Variants in ZNF263 observed in about 807,000 individuals in gnomAD.
ZNF263 encodes zinc finger protein 263.
A neutral mutation model predicts 63.1 loss-of-function variants in ZNF263; 49 were observed. That is an observed-to-expected ratio of 0.78 (90% CI 0.62 to 0.99). ZNF263 has a LOEUF of 0.99. Among genes scored for constraint, ZNF263 ranks in the 50% least tolerant of loss-of-function variants. The pLI, the probability that ZNF263 is intolerant of heterozygous loss-of-function variation, is 0.00. For synonymous variants in ZNF263, 352 were observed against 324.2 expected (o/e 1.09, Z -0.92); for missense variants, 872 against 854.8 (o/e 1.02, Z -0.25).
At position 3,289,841 on chromosome 16, in the gene ZNF263, G is replaced by C; in HGVS notation, c.1335G>C (p.Gln445His). 6.2e-7 allele frequency: 1 copy of C among 1,614,226 alleles called. No individual in the cohort carries two copies. The highest frequency in any genetic ancestry group is 8.5e-7 in the Non-Finnish European group (1 of 1,180,048). Residue 445 changes from glutamine to histidine, a missense_variant, in exon 6 of 6, where the codon CAG becomes CAC. Gln to His is a conservative substitution (Grantham distance 24, BLOSUM62 0). Transcript: ENST00000219069. Reference sequence around the variant, plus strand: ...TTGAATGTGGGAAATGCTTCAGTCAGAACACCCATCTGACTCGCCACCAAC... The same window carrying C: ...TTGAATGTGGGAAATGCTTCAGTCACAACACCCATCTGACTCGCCACCAAC... ...KCLECGKCFS[Q>H]NTHLTRHQRT...
rs754120951 is a variant in ZNF263 at position 3,289,508 on chromosome 16, G to C, written c.1002G>C (p.Leu334=). 1 of 1,578,186 alleles carries C rather than the reference G, an allele frequency of 6.3e-7. No individual in the cohort carries two copies. The highest frequency in any genetic ancestry group is 8.6e-7 in the Non-Finnish European group (1 of 1,162,084). ...GGGAGGTGCCCTGGAGTCCTGAGCTGGGAAGACCTCATGACCGGTCGCAAG... is the reference window on the plus strand; with the variant it reads ...GGGAGGTGCCCTGGAGTCCTGAGCTCGGAAGACCTCATGACCGGTCGCAAG... ...ARGEVPWSPE[L]GRPHDRSQGD... is the part of the protein sequence containing the mutation. Residue 334 remains leucine, a synonymous_variant, in exon 6 of 6, where the codon CTG becomes CTC. Coordinates refer to ENST00000219069, the MANE Select transcript of ZNF263 (RefSeq NM_005741.5).
rs1959858011 is a variant in ZNF263 at position 3,299,217 on chromosome 16, T to A, written c.*46+61T>A. On this transcript the variant is annotated intron_variant, in intron 2 of 2. Transcript: ENST00000574674. Reference sequence around the variant, plus strand: ...ATTCAGCAGTCTGCTTCTCAGCTTCTCCTCCTTTTTGAACAACTTCCTTTG... The same window carrying A: ...ATTCAGCAGTCTGCTTCTCAGCTTCACCTCCTTTTTGAACAACTTCCTTTG... 2.5e-6 allele frequency: 4 copies of A among 1,606,138 alleles called. No individual in the cohort carries two copies. In the African/African-American group the frequency reaches 5.4e-5, roughly 22 times the overall value.
In ZNF263 at chr16:3,289,473, C is replaced by A; in HGVS notation, c.967C>A (p.Gln323Lys). ...CCACCCTCAGGTGCTGCTTCCTGAC[C>A]AGGCCCGAGGGGAGGTGCCCTGGAG... ...NIHPQVLLPD[Q>K]ARGEVPWSPE... The change falls in exon 6 of 6, where the codon CAG (glutamine) becomes AAG (lysine). Residue 323 changes from glutamine (Q) to lysine (K), a missense_variant. By Grantham distance (53) the Gln-to-Lys change is moderately conservative (BLOSUM62 1). Transcript: ENST00000219069. 1.9e-6 allele frequency: 3 copies of A among 1,539,378 alleles called. No homozygotes were observed. The highest frequency in any genetic ancestry group is 2.6e-6 in the Non-Finnish European group (3 of 1,145,798).
At chr16:3,294,202 G>A (rs1959688358), downstream of ZNF263, among the ~76,000 whole-genome samples, 1 of 152,224 alleles carries the variant, frequency 6.6e-6, no homozygotes, top group Non-Finnish European at 1.5e-5. Flanking sequence ...TGGGATTACA[G>A]GCGTGAGCCA....
At chr16:3,295,372 G>A (rs1024587679), downstream of ZNF263, among the ~76,000 whole-genome samples, 3 of 152,202 alleles carry the variant, frequency 2.0e-5, no homozygotes, top group Non-Finnish European at 4.4e-5. Flanking sequence ...CGCCCCAGCC[G>A]CCCAAGTCAC....
At position 3,290,566 on chromosome 16, in the gene ZNF263, G is replaced by A; in HGVS notation, c.*8G>A. 1.3e-6 allele frequency: 2 copies of A among 1,593,998 alleles called. No individual in the cohort carries two copies. The highest frequency in any genetic ancestry group is 1.3e-5 in the African/African-American group (1 of 74,148). The stretch of plus-strand genomic sequence containing the variant: ...AGAACTCACACAGGTTAGTAACAGT[G>A]GGGTTTCTCTTTGCCCCAGGTGAGG... On this transcript the variant is annotated 3_prime_UTR_variant, in exon 6 of 6. Transcript: ENST00000219069.
intron 1 of ZNF263, among the ~76,000 whole-genome samples, chr16:3,284,479 A>G (rs1959265045): frequency 6.6e-6 from 1 of 152,228 alleles, no homozygotes; most frequent in Admixed American, 6.5e-5. Context: ...TCAATCTGCT[A>G]GTACTAGCTT....
In ZNF263 at chr16:3,291,095, A is replaced by G. The variant is rs1048012267; in HGVS notation, c.*537A>G. 1 of 988,764 alleles carries G rather than the reference A, an allele frequency of 1.0e-6. No homozygotes were observed. The highest frequency in any genetic ancestry group is 1.7e-5 in the African/African-American group (1 of 57,266). The allele number at this position is 988,764 out of a possible 1,614,324, so 61.2% of individuals were successfully genotyped here. ...AGCCATGGGCAGTCCAGATCAAGCCACCACGTGCCCTACGATGGCCTAACA... is the reference window on the plus strand; with the variant it reads ...AGCCATGGGCAGTCCAGATCAAGCCGCCACGTGCCCTACGATGGCCTAACA... On this transcript the variant is annotated 3_prime_UTR_variant, in exon 6 of 6. Transcript: ENST00000219069.
In ZNF263 at chr16:3,290,292, A is replaced by G. The variant is rs553554211; in HGVS notation, c.1786A>G (p.Thr596Ala). 6.2e-7 allele frequency: 1 copy of G among 1,614,116 alleles called. No individual in the cohort carries two copies. The highest frequency in any genetic ancestry group is 8.5e-7 in the Non-Finnish European group (1 of 1,180,020). ...CATGCACCTCACCAGACATCAGAGA[A>G]CACACACAGGAGAGAAACCGTATAA... is the stretch of plus-strand genomic sequence containing the variant. Reference protein sequence around the residue: ...QGMHLTRHQRTHTGEKPYKCT... With the variant: ...QGMHLTRHQRAHTGEKPYKCT... The change falls in exon 6 of 6, where the codon ACA becomes GCA. Residue 596 changes from threonine to alanine, a missense_variant. By Grantham distance (58) the Thr-to-Ala change is moderately conservative. Transcript: ENST00000219069.
rs1059812 is a variant in ZNF263 at position 3,291,333 on chromosome 16, C to T, written c.*775C>T. ...AGTCTTGTTCCTGACTCCAGAGGAA[C>T]GAGAGCATTCCAGGAAAGAGAGATT... On this transcript the variant is annotated 3_prime_UTR_variant, in exon 6 of 6. Transcript: ENST00000219069. 84 of 985,038 alleles carry T rather than the reference C, an allele frequency of 8.5e-5. No individual in the cohort carries two copies. Among genetic ancestry groups the T allele is most frequent in the Non-Finnish European group, 9.0e-5 (75 of 829,874 alleles). 61.0% of individuals were successfully genotyped at this position (985,038 alleles called of 1,614,324 possible).
rs772871353 is a variant in ZNF263 at position 3,290,446 on chromosome 16, T to C, written c.1940T>C (p.Ile647Thr). ...GDSFSHSSNR[I>T]RHLRTHTGER... is the part of the protein sequence containing the mutation. ...AGCTTCTCTCACAGCTCCAATCGGA[T>C]TCGCCACCTGAGAACGCATACGGGA... The change falls in exon 6 of 6, where the codon ATT (isoleucine) becomes ACT (threonine). Residue 647 changes from isoleucine to threonine, a missense_variant. By Grantham distance (89) the Ile-to-Thr change is moderately conservative. Coordinates refer to ENST00000219069, the MANE Select transcript of ZNF263 (RefSeq NM_005741.5). The C allele has an allele frequency of 6.2e-7, 1 of 1,614,062 alleles. No homozygotes were observed.
chr16:3,289,024 A>G (rs575162381), intron 5 of ZNF263, among the ~76,000 whole-genome samples: 7 of 152,218 alleles, frequency 4.6e-5, no homozygotes, highest in Admixed American at 6.5e-5. Context: ...TGACCCTGCC[A>G]TTCTCCATCC....
At chr16:3,296,610 G>A (rs1325290902) in intron 1 of ZNF263, among the ~76,000 whole-genome samples, 1 of 152,170 alleles carries the variant, frequency 6.6e-6, no homozygotes, top group Non-Finnish European at 1.5e-5. Context: ...CACAAATCAA[G>A]CCTAAACTGA....
In ZNF263 at chr16:3,286,169, G is replaced by A. The variant is rs998652715; in HGVS notation, c.769+20G>A. ...CACTGGGTAAGGACTTCTTTTCCAG[G>A]GATGATGACTGCGCCATTTCTGACC... On this transcript the variant is annotated intron_variant, in intron 4 of 5. Transcript: ENST00000219069. 1.3e-6 allele frequency: 2 copies of A among 1,573,476 alleles called. No individual in the cohort carries two copies. The highest frequency in any genetic ancestry group is 1.7e-4 in the Middle Eastern group (1 of 5,872).
chr16:3,300,220 C>T lies in ZNF263; in HGVS notation c.*47-693C>T, dbSNP rs770242788. On this transcript the variant is annotated intron_variant, in intron 2 of 2. Transcript: ENST00000574674. ...TCCTTTTCGGTTCCCAATTGCATGC[C>T]GATTTCGAAATCTAAAAAGCCAACC... The T allele has an allele frequency of 6.2e-6, 10 of 1,614,070 alleles. No individual in the cohort carries two copies. Among genetic ancestry groups the T allele is most frequent in the Admixed American group, 5.0e-5 (3 of 60,004 alleles).
intron 1 of ZNF263, among the ~76,000 whole-genome samples, chr16:3,297,693 T>C (rs1438782173): frequency 6.6e-6 from 1 of 151,784 alleles, no homozygotes; most frequent in African/African-American, 2.4e-5. Context: ...CTCGATCTCC[T>C]GACCTCGTGA....
chr16:3,297,700 G>A (rs1959798329), intron 1 of ZNF263, among the ~76,000 whole-genome samples: 1 of 151,886 alleles, frequency 6.6e-6, no homozygotes, highest in African/African-American at 2.4e-5. Flanking sequence ...TCCTGACCTC[G>A]TGATCTGCCC....
Position 3,290,723 on chromosome 16 carries a change from A to C in ZNF263, c.*165A>C. On this transcript the variant is annotated 3_prime_UTR_variant, in exon 6 of 6. Transcript: ENST00000219069. ...AGAGGCAGCAGAGGATTGGCATAAA[A>C]CTGAAAAGGAGTTCTGTCTGCATGA... 1 of 1,420,230 alleles carries C rather than the reference A, an allele frequency of 7.0e-7. No homozygotes were observed. Among genetic ancestry groups the C allele is most frequent in the Non-Finnish European group, 9.2e-7 (1 of 1,092,562 alleles). 88.0% of individuals were successfully genotyped at this position (1,420,230 alleles called of 1,614,324 possible).
chr16:3,288,199 C>T (rs561339463), intron 4 of ZNF263, among the ~76,000 whole-genome samples: 21 of 150,718 alleles, frequency 1.4e-4, no homozygotes, highest in African/African-American at 5.1e-4. Context: ...TTGCAGTGAG[C>T]GGAGATCGTG....
Sources: allele counts gnomAD v4.1 joint callset (sites outside exome capture counted in the v4.1 genomes callset), GRCh38; gene constraint gnomAD v4.1.1; transcripts MANE v1.5; gene names NCBI Gene and HGNC (gene_info 2026-07-23, HGNC 2026-07-21).